Variants in POR observed in about 807,000 individuals in gnomAD.
The protein encoded by POR is NADPH--cytochrome P450 reductase.
In POR, 56 loss-of-function variants were observed where a neutral mutation model predicts 84.0. The ratio of observed to expected loss-of-function variants is 0.67; its 90% CI spans 0.54 to 0.83. POR has a LOEUF of 0.83. POR is among the 40% of genes least tolerant of loss of function. The pLI is 0.00. For missense variants in POR, 938 were observed against 944.3 expected (o/e 0.99, Z 0.09); for synonymous variants, 414 against 400.5 (o/e 1.03, Z -0.40).
In POR at chr7:75,983,773, C is replaced by T. The variant is rs1789219729; in HGVS notation, c.983C>T (p.Ala328Val). Residue 328 changes from alanine to valine, a missense_variant, in exon 10 of 16, where the codon GCC becomes GTC. Physicochemically the swap from Ala to Val is moderately conservative, Grantham distance 64 (BLOSUM62 0). Transcript: ENST00000461988. ...GGGGACCACGTGGCTGTGTACCCAGCCAACGACTCTGCTCTCGTCAACCAG... is the reference window on the plus strand; with the variant it reads ...GGGGACCACGTGGCTGTGTACCCAGTCAACGACTCTGCTCTCGTCAACCAG... 1 of 1,612,418 alleles carries T rather than the reference C, an allele frequency of 6.2e-7. No individual in the cohort carries two copies. The highest frequency in any genetic ancestry group is 1.3e-5 in the African/African-American group (1 of 74,944).
intron 2 of POR, among the ~76,000 whole-genome samples, chr7:75,969,943 A>G (rs1788356295): frequency 6.6e-6 from 1 of 152,150 alleles, no homozygotes; most frequent in South Asian, 2.1e-4. Context: ...CACAGCGAAG[A>G]CGGCGACAGT....
chr7:75,934,411 TA>T (rs1329537793), intron 1 of POR, among the ~76,000 whole-genome samples: 7 of 152,112 alleles, frequency 4.6e-5, no homozygotes, highest in Non-Finnish European at 2.9e-5. Flanking sequence ...AGTTGGAGTT[TA>T]TATTTAAAAG....
Position 75,983,504 on chromosome 7 carries a change from TCTC to T in POR, c.831-11_831-9del, listed in dbSNP as rs782696938. The T allele has an allele frequency of 4.5e-5, 71 of 1,594,642 alleles. No homozygotes were observed. The highest frequency in any genetic ancestry group is 4.2e-4 in the East Asian group (19 of 44,756). The stretch of plus-strand genomic sequence containing the variant: ...AAGCCCCGGCCGCTCACTGTGCTTC[TCTC>T]CTCCCCACCCAGCCCCTTTGATGCC... On this transcript the variant is annotated splice_polypyrimidine_tract_variant and intron_variant, in intron 8 of 15. Transcript: ENST00000461988.
chr7:75,920,073 T>C (rs1465677236), intron 1 of POR, among the ~76,000 whole-genome samples: 1 of 141,030 alleles, frequency 7.1e-6, no homozygotes, highest in Admixed American at 7.1e-5. Context: ...TTTTTTTTTT[T>C]TTTTTTTTTT....
Position 75,981,550 on chromosome 7 carries a change from G to C in POR, c.675G>C (p.Gln225His), listed in dbSNP as rs782300771. The change falls in exon 7 of 16, where the codon CAG (glutamine) becomes CAC (histidine). Residue 225 changes from glutamine (Q) to histidine (H), a missense_variant. Transcript: ENST00000461988. ...AGGACTTCATCACCTGGCGAGAGCA[G>C]TTCTGGCCGGCCGTGTGTGAACACT... 1 of 1,613,154 alleles carries C rather than the reference G, an allele frequency of 6.2e-7. No individual in the cohort carries two copies. Among genetic ancestry groups the C allele is most frequent in the Admixed American group, 1.7e-5 (1 of 59,966 alleles).
At chr7:75,919,321 T>A (rs1806734700) in intron 1 of POR, among the ~76,000 whole-genome samples, 1 of 152,080 alleles carries the variant, frequency 6.6e-6, no homozygotes, top group South Asian at 2.1e-4. Flanking sequence ...AAGCGAGATG[T>A]TTACATCAGT....
intron 1 of POR, among the ~76,000 whole-genome samples, chr7:75,942,382 G>A (rs1554551620): frequency 6.6e-6 from 1 of 152,130 alleles, no homozygotes; most frequent in Non-Finnish European, 1.5e-5. Flanking sequence ...ACACAAATAG[G>A]TACTGCCAAG....
chr7:75,966,583 G>GAGC (rs1393226383), intron 2 of POR, among the ~76,000 whole-genome samples: 1 of 152,184 alleles, frequency 6.6e-6, no homozygotes, highest in African/African-American at 2.4e-5. Flanking sequence ...TTCTGAAAGG[G>GAGC]AGCTGGTCCA....
intron 1 of POR, among the ~76,000 whole-genome samples, chr7:75,933,466 G>A (rs1270151082): frequency 7.4e-6 from 1 of 134,834 alleles, no homozygotes; most frequent in Non-Finnish European, 1.5e-5. Context: ...TCGGCTCACT[G>A]CAACCTCTGC....
intron 1 of POR, among the ~76,000 whole-genome samples, chr7:75,948,993 T>C (rs1472234624): frequency 2.6e-5 from 4 of 152,072 alleles, no homozygotes; most frequent in Non-Finnish European, 4.4e-5. Context: ...GAGATGGCCA[T>C]GTGCAAAGTC....
chr7:75,974,125 G>T (rs1788565482), intron 3 of POR, among the ~76,000 whole-genome samples: 1 of 152,086 alleles, frequency 6.6e-6, no homozygotes, highest in Admixed American at 6.5e-5. Context: ...ACTTAACCCT[G>T]TCCTATTAAA....
intron 1 of POR, among the ~76,000 whole-genome samples, chr7:75,937,119 A>G (rs1263587876): frequency 6.6e-6 from 1 of 151,342 alleles, no homozygotes; most frequent in African/African-American, 2.4e-5. Flanking sequence ...GAGCCACCGC[A>G]TCCGGCCGCT....
rs190570042 is a variant in POR at position 75,984,833 on chromosome 7, A to G, written c.1123A>G (p.Thr375Ala). The change falls in exon 11 of 16, where the codon ACC (threonine) becomes GCC (alanine). Residue 375 changes from threonine (T) to alanine (A), a missense_variant. Thr to Ala is a moderately conservative substitution (Grantham distance 58). Coordinates refer to ENST00000461988, the MANE Select transcript of POR (RefSeq NM_000941.3). Reference sequence around the variant, plus strand: ...CCCTACGTCCTACCGCACGGCCCTCACCTACTACCTGGACATCACCAACCC... The same window carrying G: ...CCCTACGTCCTACCGCACGGCCCTCGCCTACTACCTGGACATCACCAACCC... The G allele has an allele frequency of 1.9e-6, 3 of 1,612,278 alleles. No individual in the cohort carries two copies. The African/African-American group carries it at 4.0e-5, about 22-fold the overall frequency.
chr7:75,961,665 T>C (rs1264691356), intron 2 of POR, among the ~76,000 whole-genome samples: 2 of 152,232 alleles, frequency 1.3e-5, no homozygotes, highest in Non-Finnish European at 2.9e-5. Context: ...TCCTGGATTA[T>C]TTTAATGCAA....
At chr7:75,934,520 T>C (rs117844568) in intron 1 of POR, among the ~76,000 whole-genome samples, 48 of 152,292 alleles carry the variant, frequency 3.2e-4, no homozygotes, top group Admixed American at 2.9e-3. Flanking sequence ...GAGCAACCGC[T>C]TGCTAGAGCG....
chr7:75,981,034 C>G lies in POR; in HGVS notation c.517-14C>G, dbSNP rs1788989576. The G allele has an allele frequency of 6.4e-7, 1 of 1,555,438 alleles. No homozygotes were observed. The highest frequency in any genetic ancestry group is 1.4e-5 in the African/African-American group (1 of 73,538). On this transcript the variant is annotated splice_polypyrimidine_tract_variant and intron_variant, in intron 5 of 15. Coordinates refer to ENST00000461988, the MANE Select transcript of POR (RefSeq NM_000941.3). Reference sequence around the variant, plus strand: ...CGAGGGCCAGGCCTCAGAGCGGCCCCTGTGTCCACGCAGGTGTTTGGTCTT... The same window carrying G: ...CGAGGGCCAGGCCTCAGAGCGGCCCGTGTGTCCACGCAGGTGTTTGGTCTT...
intron 10 of POR, 30 bp from the exon 11 acceptor site, chr7:75,984,747 C>G: frequency 6.2e-7 from 1 of 1,607,446 alleles, no homozygotes; most frequent in Non-Finnish European, 8.5e-7. Context: ...CGGCCGCCTA[C>G]CCCAAGTCCT....
At chr7:75,941,275 A>T (rs1554551461) in intron 1 of POR, among the ~76,000 whole-genome samples, 2 of 152,212 alleles carry the variant, frequency 1.3e-5, no homozygotes. Flanking sequence ...TATGTTGTAC[A>T]ATGACACGAT....
chr7:75,928,558 G>T (rs2116255622), intron 1 of POR, among the ~76,000 whole-genome samples: 1 of 152,366 alleles, frequency 6.6e-6, no homozygotes, highest in East Asian at 1.9e-4. Context: ...CGGCCCGGAA[G>T]TTGAACATTG....
Sources: allele counts gnomAD v4.1 joint callset (sites outside exome capture counted in the v4.1 genomes callset), GRCh38; gene constraint gnomAD v4.1.1; transcripts MANE v1.5; gene names NCBI Gene and HGNC (gene_info 2026-07-23, HGNC 2026-07-21).